The following HSPA14 variants were observed in gnomAD, a reference collection of about 807,000 sequenced individuals.
HSPA14 encodes heat shock 70 kDa protein 14.
In HSPA14, 37 loss-of-function variants were observed where a neutral mutation model predicts 65.5. The ratio of observed to expected loss-of-function variants is 0.56; its 90% CI spans 0.43 to 0.74. HSPA14 has a LOEUF of 0.74. HSPA14 is among the 30% of genes least tolerant of loss of function. The pLI, the probability that HSPA14 is intolerant of heterozygous loss-of-function variation, is 0.00. For missense variants in HSPA14, 564 were observed against 607.6 expected, an observed-to-expected ratio of 0.93 and a Z score of 0.75; for synonymous variants, 203 against 214.2, an observed-to-expected ratio of 0.95 and a Z score of 0.46.
chr10:14,864,789 G>A (rs1832790726), intron 10 of HSPA14, among the ~76,000 whole-genome samples: 1 of 152,174 alleles, frequency 6.6e-6, no homozygotes, highest in Admixed American at 6.5e-5. Context: ...GAACATATGT[G>A]TGCATGTGTC....
Position 14,852,342 on chromosome 10 carries a change from TGATAACTTAC to T in HSPA14, c.573-27_573-18del. 2 of 1,592,290 alleles carry T rather than the reference TGATAACTTAC, an allele frequency of 1.3e-6. No individual in the cohort carries two copies. The highest frequency in any genetic ancestry group is 2.2e-5 in the South Asian group (2 of 89,678). ...AACTTAGTTTTAAAATGTTATTCCCTGATAACTTACTTTATCTTCTCTTGAAGCAATATTT... is the reference window on the plus strand; with the variant it reads ...AACTTAGTTTTAAAATGTTATTCCCTTTTATCTTCTCTTGAAGCAATATTT... On this transcript the variant is annotated intron_variant, in intron 7 of 13. Coordinates refer to ENST00000378372, the MANE Select transcript of HSPA14 (RefSeq NM_016299.4).
chr10:14,839,729 T>C (rs1395643334), intron 1 of HSPA14, among the ~76,000 whole-genome samples, 176 bp from the exon 2 acceptor site: 1 of 152,198 alleles, frequency 6.6e-6, no homozygotes, highest in African/African-American at 2.4e-5. Flanking sequence ...CAGTTCTTCA[T>C]GGAATTATAG....
At chr10:14,844,911 C>T (rs1834029837) in intron 3 of HSPA14, 1 of 985,160 alleles carries the variant, frequency 1.0e-6, no homozygotes, top group African/African-American at 1.7e-5. Context: ...CAGGGCAAGC[C>T]CTAGAAACGT....
chr10:14,843,333 G>A, intron 3 of HSPA14: 1 of 1,549,900 alleles, frequency 6.5e-7, no homozygotes, highest in Non-Finnish European at 8.7e-7. Context: ...CCCTTAGCAG[G>A]AATGTTCTCT....
chr10:14,839,561 A>T (rs1833942492), intron 1 of HSPA14, among the ~76,000 whole-genome samples: 1 of 149,954 alleles, frequency 6.7e-6, no homozygotes, highest in South Asian at 2.1e-4. Flanking sequence ...ACGGAGCAAG[A>T]CTCCGTGTCC....
chr10:14,844,211 T>A (rs888298052), intron 3 of HSPA14: 11 of 1,133,666 alleles, frequency 9.7e-6, no homozygotes, highest in Non-Finnish European at 1.1e-5. Context: ...AAAATGGGGA[T>A]CAATAATAAC....
intron 7 of HSPA14, among the ~76,000 whole-genome samples, chr10:14,851,703 A>C (rs1414698021): frequency 6.6e-6 from 1 of 152,248 alleles, no homozygotes; most frequent in African/African-American, 2.4e-5. Flanking sequence ...AGATGGATTT[A>C]GCATGAGGTT....
In HSPA14 at chr10:14,867,248, G is replaced by A. The variant is rs1455369927; in HGVS notation, c.1159G>A (p.Glu387Lys). The change falls in exon 11 of 14, where the codon GAA becomes AAA. Residue 387 changes from glutamate (E) to lysine (K), a missense_variant. Glu to Lys is a moderately conservative substitution (Grantham distance 56, BLOSUM62 1). Coordinates refer to ENST00000378372, the MANE Select transcript of HSPA14 (RefSeq NM_016299.4). Reference sequence around the variant, plus strand: ...TATTGGGAAAGAAAACCTGTTGGTGGAAGACTCTCTTATGATAGAGTGTTC... The same window carrying A: ...TATTGGGAAAGAAAACCTGTTGGTGAAAGACTCTCTTATGATAGAGTGTTC... The part of the protein sequence containing the change: ...ILIGKENLLV[E>K]DSLMIECSAR... 1 of 1,613,822 alleles carries A rather than the reference G, an allele frequency of 6.2e-7. No individual in the cohort carries two copies. The highest frequency in any genetic ancestry group is 2.2e-5 in the East Asian group (1 of 44,816).
At chr10:14,851,160 T>A in intron 6 of HSPA14, 59 bp from the exon 7 acceptor site, 2 of 937,960 alleles carry the variant, frequency 2.1e-6, no homozygotes, top group Non-Finnish European at 3.4e-6. Context: ...AGATCATTTC[T>A]AAAAATGTAG....
intron 3 of HSPA14, chr10:14,845,492 C>G (rs538056476): frequency 1.0e-6 from 1 of 984,942 alleles, no homozygotes; most frequent in Non-Finnish European, 1.2e-6. Context: ...AGGTGTGAGG[C>G]GGCTGGTGTG....
Position 14,843,318 on chromosome 10 carries a change from G to GCATT in HSPA14, c.221+3163_221+3166dup. ...GTCTCAGCTCTGCTGCTGGCTCCAA[G>GCATT]CATTCCCTTAGCAGGAATGTTCTCT... On this transcript the variant is annotated intron_variant, in intron 3 of 13. Coordinates refer to ENST00000378372, the MANE Select transcript of HSPA14 (RefSeq NM_016299.4). The GCATT allele has an allele frequency of 1.7e-5, 27 of 1,545,120 alleles. No homozygotes were observed. The South Asian group carries it at 3.2e-4, about 18-fold the overall frequency.
At chr10:14,841,025 T>G (rs1173969714) in intron 3 of HSPA14, 1 of 152,196 alleles carries the variant, frequency 6.6e-6, no homozygotes, top group East Asian at 1.9e-4. Flanking sequence ...AGTGAGAATT[T>G]AAGTAAAAAT....
At chr10:14,863,319 G>A (rs1303994543) in intron 10 of HSPA14, among the ~76,000 whole-genome samples, 1 of 152,122 alleles carries the variant, frequency 6.6e-6, no homozygotes, top group South Asian at 2.1e-4. Context: ...CTGAAAAGGG[G>A]AGCAGTCCTA....
chr10:14,848,338 A>G (rs1299673830), intron 3 of HSPA14, among the ~76,000 whole-genome samples: 2 of 152,258 alleles, frequency 1.3e-5, no homozygotes, highest in African/African-American at 2.4e-5. Context: ...CTCAAAATAT[A>G]TAGCACCTAT....
At chr10:14,870,742 T>A in intron 13 of HSPA14, 75 bp downstream of exon 13, 2 of 1,289,544 alleles carry the variant, frequency 1.6e-6, no homozygotes, top group South Asian at 1.5e-5. Flanking sequence ...TTGATTTTTT[T>A]ATTTATTGTC....
At chr10:14,843,086 T>C (rs1255427726) in intron 3 of HSPA14, among the ~76,000 whole-genome samples, 1 of 152,172 alleles carries the variant, frequency 6.6e-6, no homozygotes, top group African/African-American at 2.4e-5. Flanking sequence ...AGAACCAAAC[T>C]AGTTCTGGCA....
At position 14,842,978 on chromosome 10, in the gene HSPA14, C is replaced by T. The variant is rs1833994479; in HGVS notation, c.221+2821C>T. On this transcript the variant is annotated intron_variant, in intron 3 of 13. Transcript: ENST00000378372. This position sits in a 1 kb window ranked among gnomAD's most constrained non-coding sequence, Gnocchi z 5.2. ...CCTCATTCTGCCCCACGCACCTTTT[C>T]AAAAACCTAATAGTAAGCTAAAGGG... 1.3e-6 allele frequency: 1 copy of T among 745,540 alleles called. No individual in the cohort carries two copies. Among genetic ancestry groups the T allele is most frequent in the Non-Finnish European group, 2.1e-6 (1 of 471,102 alleles). 46.2% of individuals were successfully genotyped at this position (745,540 alleles called of 1,614,324 possible).
At chr10:14,841,783 A>T (rs1833974543) in intron 3 of HSPA14, among the ~76,000 whole-genome samples, 1 of 152,216 alleles carries the variant, frequency 6.6e-6, no homozygotes, top group African/African-American at 2.4e-5. Flanking sequence ...ATTAGTAAAG[A>T]CTGAGCATCT....
intron 10 of HSPA14, among the ~76,000 whole-genome samples, chr10:14,857,636 A>G (rs1588815349): frequency 6.6e-6 from 1 of 152,286 alleles, no homozygotes; most frequent in Non-Finnish European, 1.5e-5. Context: ...ACATAATCGG[A>G]ATATTAGCTA....
Sources: allele counts gnomAD v4.1 joint callset (sites outside exome capture counted in the v4.1 genomes callset), GRCh38; gene constraint gnomAD v4.1.1; non-coding constraint Gnocchi (gnomAD v3.1); transcripts MANE v1.5; gene names NCBI Gene and HGNC (gene_info 2026-07-23, HGNC 2026-07-21).